Variants in GRK3 observed in about 807,000 individuals in gnomAD.
GRK3 encodes the protein G protein-coupled receptor kinase 3.
In GRK3, 54 loss-of-function variants were observed where a neutral mutation model predicts 95.7. The ratio of observed to expected loss-of-function variants is 0.56; its 90% CI spans 0.45 to 0.71. The LOEUF (loss-of-function observed/expected upper bound fraction) is 0.71. Ranked by LOEUF, GRK3 falls within the 30% of genes least tolerant of loss-of-function variation. GRK3 has a pLI of 0.00. For missense variants in GRK3, 649 were observed against 851.2 expected (o/e 0.76, Z 2.96); for synonymous variants, 281 against 290.8 (o/e 0.97, Z 0.34).
At chr22:25,655,207 G>A (rs1481061411) in intron 3 of GRK3, among the ~76,000 whole-genome samples, 1 of 152,026 alleles carries the variant, frequency 6.6e-6, no homozygotes, top group Non-Finnish European at 1.5e-5. Context: ...CATTTCCCAT[G>A]TTAAAGTTCT....
chr22:25,674,339 G>A (rs2085009250), intron 7 of GRK3, 98 bp from the exon 8 acceptor site: 1 of 936,488 alleles, frequency 1.1e-6, no homozygotes, highest in African/African-American at 1.7e-5. Flanking sequence ...AAGTCAGATT[G>A]CTATTTTAAT....
At chr22:25,685,058 T>C in intron 9 of GRK3, 112 bp from the exon 10 acceptor site, 1 of 695,686 alleles carries the variant, frequency 1.4e-6, no homozygotes, top group Admixed American at 2.3e-5. Context: ...AATTGCAATG[T>C]GTCAATTAAA....
chr22:25,643,393 A>G (rs1464317201), intron 2 of GRK3, among the ~76,000 whole-genome samples: 1 of 152,256 alleles, frequency 6.6e-6, no homozygotes, highest in East Asian at 1.9e-4. Context: ...TCCGGGAACT[A>G]TGAGGGGAAT....
intron 2 of GRK3, among the ~76,000 whole-genome samples, chr22:25,618,284 A>G (rs113915760): frequency 1.7e-4 from 26 of 152,358 alleles, no homozygotes; most frequent in African/African-American, 6.0e-4. Flanking sequence ...ATAGGTGCAC[A>G]CACATTACGT....
chr22:25,723,610 C>T lies in GRK3; in HGVS notation c.*1160C>T, dbSNP rs1367724421. On this transcript the variant is annotated 3_prime_UTR_variant, in exon 21 of 21. Transcript: ENST00000324198. Reference sequence around the variant, plus strand: ...GAAGTTTGTTTTCTCCCACTGCCTCCAGGCCCCACTGATACCCCCAAATAG... The same window carrying T: ...GAAGTTTGTTTTCTCCCACTGCCTCTAGGCCCCACTGATACCCCCAAATAG... The T allele has an allele frequency of 2.0e-5, 3 of 152,094 alleles. No homozygotes were observed. Among genetic ancestry groups the T allele is most frequent in the African/African-American group, 7.3e-5 (3 of 41,378 alleles). 9.4% of individuals were successfully genotyped at this position (152,094 alleles called of 1,614,324 possible).
At chr22:25,685,996 G>A (rs1172526465) in intron 10 of GRK3, among the ~76,000 whole-genome samples, 5 of 151,692 alleles carry the variant, frequency 3.3e-5, no homozygotes, top group South Asian at 2.1e-4. Context: ...CGAGGCGGGC[G>A]GATCAATGAG....
At position 25,603,776 on chromosome 22, in the gene GRK3, A is replaced by G. The variant is rs1285118162; in HGVS notation, c.114-601A>G. Among the ~76,000 whole-genome samples, 4 of 152,150 alleles carry G rather than the reference A, an allele frequency of 2.6e-5. No homozygotes were observed. In the East Asian group the frequency reaches 7.7e-4, roughly 29 times the overall value. ...TTCCTATTTATTTAGATCCTCTTTA[A>G]TGTCTCCCAATACAATTTGTAATTT... On this transcript the variant is annotated intron_variant, in intron 1 of 20. Coordinates refer to ENST00000324198, the MANE Select transcript of GRK3 (RefSeq NM_005160.4).
At chr22:25,717,692 C>A (rs1390170095) in intron 18 of GRK3, among the ~76,000 whole-genome samples, 1 of 152,060 alleles carries the variant, frequency 6.6e-6, no homozygotes, top group Non-Finnish European at 1.5e-5. Context: ...GTAATCAGGA[C>A]TCAACAATGT....
At chr22:25,699,729 C>T (rs1050288829) in intron 13 of GRK3, among the ~76,000 whole-genome samples, 5 of 143,192 alleles carry the variant, frequency 3.5e-5, no homozygotes, top group African/African-American at 1.3e-4. Context: ...GACGAAGTCT[C>T]GCTCTGTCGC....
intron 7 of GRK3, among the ~76,000 whole-genome samples, chr22:25,674,061 T>G (rs890006754): frequency 6.6e-6 from 1 of 152,200 alleles, no homozygotes; most frequent in Non-Finnish European, 1.5e-5. Flanking sequence ...TTCCCAAACA[T>G]TAGGCTTCGG....
chr22:25,578,198 A>G (rs1337532067), intron 1 of GRK3, among the ~76,000 whole-genome samples: 2 of 152,108 alleles, frequency 1.3e-5, no homozygotes, highest in Non-Finnish European at 2.9e-5. Flanking sequence ...CGAAGAAACA[A>G]TTGCATTTCC....
chr22:25,659,594 GA>G (rs1168985390), intron 3 of GRK3, among the ~76,000 whole-genome samples: 2 of 152,170 alleles, frequency 1.3e-5, no homozygotes, highest in African/African-American at 4.8e-5. Flanking sequence ...AGGTTACCTG[GA>G]CAACCAAACT....
intron 5 of GRK3, among the ~76,000 whole-genome samples, chr22:25,666,030 C>T (rs922760950): frequency 3.9e-5 from 6 of 152,138 alleles, no homozygotes; most frequent in African/African-American, 1.4e-4. Flanking sequence ...CGACTGTTCT[C>T]TTTTACAGAT....
rs564724332 is a variant in GRK3, at chr22:25,655,561, C to A, written c.265-6015C>A. On this transcript the variant is annotated intron_variant, in intron 3 of 20. Coordinates refer to ENST00000324198, the MANE Select transcript of GRK3 (RefSeq NM_005160.4). ...TTGTTGTCTAATGCTCATGTCATGC[C>A]TACCATGTGCCTGCTGCTTGTGTGT... Among the ~76,000 whole-genome samples, 12 of 152,262 alleles carry A rather than the reference C, an allele frequency of 7.9e-5. No individual in the cohort carries two copies. In the South Asian group the frequency reaches 2.5e-3, roughly 32 times the overall value.
intron 15 of GRK3, among the ~76,000 whole-genome samples, chr22:25,704,959 C>T (rs1278153795): frequency 6.6e-6 from 1 of 152,152 alleles, no homozygotes; most frequent in Non-Finnish European, 1.5e-5. Context: ...TTCAGACAGA[C>T]CTTTTTCCTG....
At chr22:25,648,907 C>T in intron 3 of GRK3, 1 of 899,216 alleles carries the variant, frequency 1.1e-6, no homozygotes, top group East Asian at 2.4e-5. Flanking sequence ...GCAGAATTTC[C>T]AATCAAATGG....
At chr22:25,574,962 G>A (rs1454390850) in intron 1 of GRK3, among the ~76,000 whole-genome samples, 1 of 152,142 alleles carries the variant, frequency 6.6e-6, no homozygotes, top group Non-Finnish European at 1.5e-5. Flanking sequence ...CAATAATATA[G>A]AAGAGAAAAA....
intron 12 of GRK3, among the ~76,000 whole-genome samples, chr22:25,694,537 C>A (rs1207030581): frequency 6.6e-6 from 1 of 152,212 alleles, no homozygotes; most frequent in African/African-American, 2.4e-5. Context: ...GCTTTTGAAA[C>A]CTGACACGTG....
chr22:25,622,982 C>T (rs1265219571), intron 2 of GRK3, among the ~76,000 whole-genome samples: 1 of 152,168 alleles, frequency 6.6e-6, no homozygotes, highest in African/African-American at 2.4e-5. Context: ...CACTCTGTCA[C>T]CCAGGCTGGA....
Sources: gnomAD v4.1 joint callset for allele counts (sites outside exome capture counted in the v4.1 genomes callset) on GRCh38, gnomAD v4.1.1 for gene constraint, MANE v1.5 for transcripts, NCBI Gene and HGNC (gene_info 2026-07-23, HGNC 2026-07-21) for gene names.